Variants in COA1 observed in about 807,000 individuals in gnomAD.
The protein encoded by COA1 is cytochrome c oxidase assembly factor 1 homolog.
A neutral mutation model predicts 16.0 loss-of-function variants in COA1; 13 were observed. The observed-to-expected ratio is 0.81, with a 90% CI of 0.53 to 1.29. The LOEUF (loss-of-function observed/expected upper bound fraction) is 1.29. Among genes scored for constraint, COA1 ranks in the 50% most tolerant of loss-of-function variants. The pLI is 0.00. For synonymous variants in COA1, 65 were observed against 65.7 expected (o/e 0.99, Z 0.05); for missense variants, 179 against 177.0 (o/e 1.01, Z -0.06).
At chr7:43,701,528 G>A (rs1563418648) in intron 1 of COA1, among the ~76,000 whole-genome samples, 1 of 152,172 alleles carries the variant, frequency 6.6e-6, no homozygotes, top group Non-Finnish European at 1.5e-5. Flanking sequence ...ATGGGCACCT[G>A]GGTGCCCATA....
Position 43,672,290 on chromosome 7 carries a change from G to A in COA1, c.-38-23638C>T, listed in dbSNP as rs191454749. Among the ~76,000 whole-genome samples the A allele has an allele frequency of 2.1e-3, 314 of 152,222 alleles. 2 individuals carry two copies. Among genetic ancestry groups the A allele is most frequent in the Non-Finnish European group, 2.5e-3 (171 of 68,018 alleles). On this transcript the variant is annotated intron_variant, in intron 1 of 5. Coordinates refer to ENST00000223336, the MANE Select transcript of COA1 (RefSeq NM_018224.4). ...ATCCTCAATAAAATACTAGCGAATC[G>A]AATCTAGCAGCACATCCAAAGCTAA...
intron 6 of COA1, among the ~76,000 whole-genome samples, chr7:43,620,688 GAATATT>G (rs1205131019): frequency 3.3e-4 from 46 of 139,066 alleles, no homozygotes; most frequent in Admixed American, 4.4e-4. Context: ...AAAAAAAAAA[GAATATT>G]AATATTTAAA....
At chr7:43,683,072 G>A (rs1238588360) in intron 1 of COA1, among the ~76,000 whole-genome samples, 1 of 151,962 alleles carries the variant, frequency 6.6e-6, no homozygotes, top group Non-Finnish European at 1.5e-5. Context: ...TGGCCAGGCT[G>A]GTCTCAAATT....
intron 4 of COA1, among the ~76,000 whole-genome samples, chr7:43,643,211 C>A (rs2087663780): frequency 6.6e-6 from 1 of 152,228 alleles, no homozygotes; most frequent in Admixed American, 6.5e-5. Flanking sequence ...AAAGCTCCCA[C>A]CAAAACCACC....
chr7:43,655,884 A>G (rs1584505822), intron 1 of COA1: 2 of 152,180 alleles, frequency 1.3e-5, no homozygotes, highest in African/African-American at 2.4e-5. Context: ...AAGCCACTAT[A>G]TAAGAATTAT....
chr7:43,668,583 T>G (rs1360074090), intron 1 of COA1, among the ~76,000 whole-genome samples: 2 of 152,206 alleles, frequency 1.3e-5, no homozygotes, highest in African/African-American at 4.8e-5. Flanking sequence ...TTTAAGCTTT[T>G]TGCCTACATT....
At chr7:43,634,469 T>C (rs2085540849), downstream of COA1, among the ~76,000 whole-genome samples, 1 of 152,126 alleles carries the variant, frequency 6.6e-6, no homozygotes, top group East Asian at 1.9e-4. Flanking sequence ...ACTGATACCA[T>C]GGGAGTGGGG....
intron 1 of COA1, among the ~76,000 whole-genome samples, chr7:43,662,182 T>C (rs764034915): frequency 1.3e-5 from 2 of 152,230 alleles, no homozygotes; most frequent in Admixed American, 1.3e-4. Context: ...ATGAACATGC[T>C]CCTCCCTTTT....
At chr7:43,704,885 T>C (rs1310295430) in intron 1 of COA1, among the ~76,000 whole-genome samples, 5 of 152,234 alleles carry the variant, frequency 3.3e-5, no homozygotes, top group African/African-American at 9.6e-5. Context: ...CTCTGGCTTT[T>C]AGAGTTGCCA....
At chr7:43,672,880 AATCTTTG>A (rs2153203244) in intron 1 of COA1, among the ~76,000 whole-genome samples, 1 of 152,250 alleles carries the variant, frequency 6.6e-6, no homozygotes, top group Admixed American at 6.5e-5. Context: ...ACAACCATCT[AATCTTTG>A]ATAAAGTTAA....
intron 1 of COA1, among the ~76,000 whole-genome samples, chr7:43,717,815 G>T (rs1394264810): frequency 6.6e-6 from 1 of 152,186 alleles, no homozygotes; most frequent in African/African-American, 2.4e-5. Flanking sequence ...CATGGGGGCG[G>T]TTTCCCCCAT....
chr7:43,652,594 A>T (rs888263003), intron 1 of COA1, among the ~76,000 whole-genome samples: 2 of 152,240 alleles, frequency 1.3e-5, no homozygotes, highest in African/African-American at 4.8e-5. Context: ...CAGAAGAATC[A>T]GCTTCTCACA....
rs1278232465 is a variant in COA1 at position 43,628,049 on chromosome 7, G to C, written c.*133+11400C>G. 2.0e-5 allele frequency among the ~76,000 whole-genome samples: 3 copies of C among 152,066 alleles called. No homozygotes were observed. In the South Asian group the frequency reaches 6.2e-4, roughly 32 times the overall value. On this transcript the variant is annotated intron_variant and NMD_transcript_variant, in intron 6 of 6. Transcript: ENST00000415076. ...TTGCCCAGGCTGGAGTGCAATGGTG[G>C]GATCTTGGCTCACTGCAACCTCCAC...
chr7:43,614,535 A>G (rs2083174727), intron 6 of COA1, among the ~76,000 whole-genome samples: 1 of 152,234 alleles, frequency 6.6e-6, no homozygotes, highest in Non-Finnish European at 1.5e-5. Context: ...AACAGAGCTT[A>G]TAGTCCTGTA....
At chr7:43,651,714 A>C (rs1052677506) in intron 1 of COA1, among the ~76,000 whole-genome samples, 2 of 147,330 alleles carry the variant, frequency 1.4e-5, no homozygotes, top group Admixed American at 6.7e-5. Context: ...AAAAAAAAAC[A>C]GGCCAGGTGC....
intron 1 of COA1, among the ~76,000 whole-genome samples, chr7:43,672,292 A>C (rs774298040): frequency 2.0e-4 from 31 of 152,230 alleles, no homozygotes; most frequent in Non-Finnish European, 4.3e-4. Flanking sequence ...AGCGAATCGA[A>C]TCTAGCAGCA....
chr7:43,689,543 G>A (rs965114902), intron 1 of COA1, among the ~76,000 whole-genome samples: 1 of 152,034 alleles, frequency 6.6e-6, no homozygotes, highest in Non-Finnish European at 1.5e-5. Context: ...AAAAAATGAA[G>A]GCAAAATAAA....
chr7:43,727,004 A>C (rs1416594335), intron 1 of COA1, among the ~76,000 whole-genome samples: 1 of 152,264 alleles, frequency 6.6e-6, no homozygotes, highest in African/African-American at 2.4e-5. Context: ...GGAGATTTTT[A>C]ATGGTCGCAA....
At chr7:43,722,343 C>A (rs1053887350) in intron 1 of COA1, among the ~76,000 whole-genome samples, 2 of 152,180 alleles carry the variant, frequency 1.3e-5, no homozygotes, top group Admixed American at 1.3e-4. Flanking sequence ...GATCTGCCCA[C>A]CTTGGCCCCC....
Sources: gnomAD v4.1 joint callset for allele counts (sites outside exome capture counted in the v4.1 genomes callset) on GRCh38, gnomAD v4.1.1 for gene constraint, MANE v1.5 for transcripts, NCBI Gene and HGNC (gene_info 2026-07-23, HGNC 2026-07-21) for gene names.